The following TMEM52B variants were observed in gnomAD, a reference collection of about 807,000 sequenced individuals.
TMEM52B encodes chromosome 12 open reading frame 59.
Under a neutral mutation model 16.1 loss-of-function variants are expected in TMEM52B, and 11 were observed. The ratio of observed to expected loss-of-function variants is 0.68; its 90% CI spans 0.43 to 1.13. The LOEUF (loss-of-function observed/expected upper bound fraction) is 1.13, where lower values mean the gene tolerates loss of function less well. Among genes scored for constraint, TMEM52B ranks in the 50% most tolerant of loss-of-function variants. The pLI is 0.00. For missense variants in TMEM52B, 243 were observed against 230.4 expected (o/e 1.05, Z -0.35); for synonymous variants, 101 against 93.8 (o/e 1.08, Z -0.45).
intron 2 of TMEM52B, among the ~76,000 whole-genome samples, chr12:10,183,196 C>A (rs947206640): frequency 2.6e-5 from 4 of 151,994 alleles, no homozygotes; most frequent in African/African-American, 9.7e-5. Flanking sequence ...TGAATAAAAA[C>A]GTGTTTAGGA....
Position 10,191,611 on chromosome 12 carries a change from T to C in TMEM52B, c.*1471T>C, listed in dbSNP as rs756121178. Reference sequence around the variant, plus strand: ...GAAGATCAAAGAAGCTAAATATATGTGGCATGATTTGTAAAGTGTTATGCA... The same window carrying C: ...GAAGATCAAAGAAGCTAAATATATGCGGCATGATTTGTAAAGTGTTATGCA... On this transcript the variant is annotated 3_prime_UTR_variant, in exon 5 of 5. Transcript: ENST00000543484. 1.2e-4 allele frequency: 19 copies of C among 152,198 alleles called. No homozygotes were observed. The highest frequency in any genetic ancestry group is 2.2e-4 in the Non-Finnish European group (15 of 68,042). The allele number at this position is 152,198 out of a possible 1,614,324, so 9.4% of individuals were successfully genotyped here. A position where few individuals can be genotyped will look rare whatever the true frequency, so the allele number is the denominator to read the frequency against.
chr12:10,172,145 G>A, intron 1 of TMEM52B: 1 of 1,065,782 alleles, frequency 9.4e-7, no homozygotes, highest in African/African-American at 1.6e-5. Context: ...AAATATGTGA[G>A]CTTCTGCAGA....
chr12:10,189,129 G>A (rs1948924181), intron 4 of TMEM52B, among the ~76,000 whole-genome samples: 1 of 150,762 alleles, frequency 6.6e-6, no homozygotes, highest in Middle Eastern at 3.4e-3. Flanking sequence ...TTTGAACCTG[G>A]GAGGTGGAGG....
chr12:10,171,243 T>C (rs1283733413), intron 1 of TMEM52B, among the ~76,000 whole-genome samples: 1 of 152,248 alleles, frequency 6.6e-6, no homozygotes, highest in African/African-American at 2.4e-5. Flanking sequence ...AATTTCTTTA[T>C]CCAAATTTCT....
chr12:10,171,427 G>T (rs1948715733), intron 1 of TMEM52B, among the ~76,000 whole-genome samples: 1 of 152,192 alleles, frequency 6.6e-6, no homozygotes, highest in African/African-American at 2.4e-5. Flanking sequence ...TTTCAAAGCA[G>T]TAGTACACAA....
intron 1 of TMEM52B, 155 bp from the exon 2 acceptor site, chr12:10,182,395 G>A: frequency 1.0e-6 from 1 of 985,388 alleles, no homozygotes; most frequent in Non-Finnish European, 1.2e-6. Context: ...AAGTATGGGA[G>A]AGATGAAAAT....
chr12:10,183,699 A>T (rs905560852), intron 2 of TMEM52B, among the ~76,000 whole-genome samples: 1 of 152,050 alleles, frequency 6.6e-6, no homozygotes, highest in African/African-American at 2.4e-5. Flanking sequence ...TACAATTGCC[A>T]TAGTGAACTC....
intron 1 of TMEM52B, 80 bp from the exon 2 acceptor site, chr12:10,182,470 A>T: frequency 6.6e-7 from 1 of 1,504,854 alleles, no homozygotes; most frequent in African/African-American, 1.4e-5. Flanking sequence ...ACACAGCACA[A>T]CCATGAGAGA....
intron 1 of TMEM52B, among the ~76,000 whole-genome samples, chr12:10,173,575 A>T (rs1369105924): frequency 6.6e-6 from 1 of 151,660 alleles, no homozygotes; most frequent in Non-Finnish European, 1.5e-5. Flanking sequence ...TGAGGTCAGG[A>T]GTTCGAGACC....
At chr12:10,178,292 G>A (rs769297313), upstream of TMEM52B, among the ~76,000 whole-genome samples, 3 of 151,776 alleles carry the variant, frequency 2.0e-5, no homozygotes, top group East Asian at 2.0e-4. Flanking sequence ...CGAGTCGGGC[G>A]GATCATGAGG....
Position 10,179,311 on chromosome 12 carries a change from A to G in TMEM52B, c.-264A>G. On this transcript the variant is annotated 5_prime_UTR_variant, in exon 1 of 5. Coordinates refer to ENST00000543484, the MANE Select transcript of TMEM52B (RefSeq NM_001384896.1). ...ATAGTGTAACGGAAAGAAAGAAGGC[A>G]AAAGGAAGTAAATGTGGAGGCCATA... 2.1e-6 allele frequency: 1 copy of G among 477,926 alleles called. No individual in the cohort carries two copies. Among genetic ancestry groups the G allele is most frequent in the East Asian group, 3.4e-5 (1 of 29,126 alleles). The allele number at this position is 477,926 out of a possible 1,614,324, so 29.6% of individuals were successfully genotyped here.
At chr12:10,171,018 T>C (rs886225355) in intron 1 of TMEM52B, among the ~76,000 whole-genome samples, 4 of 152,164 alleles carry the variant, frequency 2.6e-5, no homozygotes, top group African/African-American at 9.7e-5. Flanking sequence ...ATCAATCTCA[T>C]GATTATTGTA....
intron 1 of TMEM52B, among the ~76,000 whole-genome samples, chr12:10,181,511 G>A (rs373694880): frequency 8.6e-5 from 13 of 150,938 alleles, no homozygotes; most frequent in East Asian, 2.0e-4. Context: ...TGTATTTTTC[G>A]TAGAGACGGG....
chr12:10,171,958 A>T (rs771920236), intron 1 of TMEM52B: 15 of 1,427,010 alleles, frequency 1.1e-5, no homozygotes, highest in African/African-American at 1.4e-5. Flanking sequence ...TTTGGGGCTA[A>T]CACTGGGATT....
upstream of TMEM52B, among the ~76,000 whole-genome samples, chr12:10,177,067 TG>T (rs1031895002): frequency 6.6e-6 from 1 of 152,174 alleles, no homozygotes; most frequent in African/African-American, 2.4e-5. Flanking sequence ...GCAGGTCAAG[TG>T]GGTATTCTGC....
upstream of TMEM52B, among the ~76,000 whole-genome samples, chr12:10,175,806 C>A (rs1218933730): frequency 1.3e-5 from 2 of 152,146 alleles, no homozygotes; most frequent in Admixed American, 1.3e-4. Context: ...GAGGTTGATG[C>A]CTCAGAGTCC....
upstream of TMEM52B, among the ~76,000 whole-genome samples, chr12:10,176,322 G>A (rs1051222866): frequency 1.6e-4 from 25 of 151,930 alleles, no homozygotes; most frequent in African/African-American, 4.3e-4. Context: ...AAAAAAAAAA[G>A]GGTAGTAATA....
upstream of TMEM52B, chr12:10,178,948 A>T (rs1948791836): frequency 6.5e-6 from 1 of 152,706 alleles, no homozygotes; most frequent in Non-Finnish European, 1.5e-5. Context: ...ACCCAGAACC[A>T]GGAGAGTTGA....
Position 10,190,844 on chromosome 12 carries a change from T to C in TMEM52B, c.*704T>C, listed in dbSNP as rs1474437728. 6.5e-6 allele frequency: 1 copy of C among 152,896 alleles called. No homozygotes were observed. The highest frequency in any genetic ancestry group is 1.5e-5 in the Non-Finnish European group (1 of 68,528). 9.5% of individuals were successfully genotyped at this position (152,896 alleles called of 1,614,324 possible). A position where few individuals can be genotyped will look rare whatever the true frequency, so the allele number is the denominator to read the frequency against. On this transcript the variant is annotated 3_prime_UTR_variant, in exon 5 of 5. Coordinates refer to ENST00000543484, the MANE Select transcript of TMEM52B (RefSeq NM_001384896.1). ...AAACACATATATGTGCGCACATGCA[T>C]GTATACCTGCACCCTGTTTTAACTC...
Sources: allele counts gnomAD v4.1 joint callset (sites outside exome capture counted in the v4.1 genomes callset), GRCh38; gene constraint gnomAD v4.1.1; transcripts MANE v1.5; gene names NCBI Gene and HGNC (gene_info 2026-07-23, HGNC 2026-07-21).